The following RPH3AL variants were observed in gnomAD, a reference collection of about 807,000 sequenced individuals.
RPH3AL encodes the protein rabphilin 3A like (without C2 domains), also known as rab effector Noc2.
In RPH3AL, 38 loss-of-function variants were observed where a neutral mutation model predicts 43.1. That is an observed-to-expected ratio of 0.88 (90% CI 0.68 to 1.15). The LOEUF (loss-of-function observed/expected upper bound fraction) is 1.15. Ranked by LOEUF, RPH3AL falls within the 50% of genes most tolerant of loss-of-function variation. The pLI is 0.00. For synonymous variants in RPH3AL, 189 were observed against 176.3 expected, an observed-to-expected ratio of 1.07 and a Z score of -0.57; for missense variants, 462 against 423.2, an observed-to-expected ratio of 1.09 and a Z score of -0.81.
chr17:317,645 G>T (rs1439377855), intron 5 of RPH3AL, among the ~76,000 whole-genome samples: 1 of 152,292 alleles, frequency 6.6e-6, no homozygotes, highest in East Asian at 1.9e-4. Context: ...GTATTTTTGG[G>T]CCAGTTAATC....
rs910019978 is a variant in RPH3AL, at chr17:319,520, C to T, written c.251G>A (p.Arg84Lys). ...CAGGCCGTTCCCCATCACATTCCGC[C>T]TCATGGTCTCCAGCCGCTCCACCAG... ...GRLVERLETM[R>K]RNVMGNGLSQ... Residue 84 changes from arginine to lysine, a missense_variant, in exon 5 of 10, where the codon AGG becomes AAG. Coordinates refer to ENST00000331302, the MANE Select transcript of RPH3AL (RefSeq NM_006987.4). 2.5e-6 allele frequency: 4 copies of T among 1,612,098 alleles called. No individual in the cohort carries two copies. The highest frequency in any genetic ancestry group is 1.7e-6 in the Non-Finnish European group (2 of 1,179,970).
intron 5 of RPH3AL, among the ~76,000 whole-genome samples, chr17:282,874 G>T (rs1294831322): frequency 6.6e-6 from 1 of 152,180 alleles, no homozygotes; most frequent in Non-Finnish European, 1.5e-5. Context: ...TCATAGAAAT[G>T]GTACAGTAAG....
At position 331,483 on chromosome 17, in the gene RPH3AL, A is replaced by G. The variant is rs1299264409; in HGVS notation, c.-37+2276T>C. The G allele has an allele frequency of 9.5e-6, 10 of 1,056,296 alleles. 1 individual carries two copies. Among genetic ancestry groups the G allele is most frequent in the Non-Finnish European group, 9.8e-6 (8 of 815,990 alleles). 65.4% of individuals were successfully genotyped at this position (1,056,296 alleles called of 1,614,324 possible). ...GGCCCCGGCTCTGGGACGGCTGTGC[A>G]CCCCCACCCTGGCCGTGGCTGGCAC... On this transcript the variant is annotated intron_variant, in intron 2 of 9. Transcript: ENST00000331302.
At chr17:250,264 GCGGGACC>G (rs2041865402) in intron 6 of RPH3AL, among the ~76,000 whole-genome samples, 2 of 120,742 alleles carry the variant, frequency 1.7e-5, no homozygotes, top group Non-Finnish European at 1.7e-5. Flanking sequence ...CTCCGTCGCT[GCGGGACC>G]TCTCAGAGCC....
At chr17:223,976 A>C (rs2041051776) in intron 7 of RPH3AL, among the ~76,000 whole-genome samples, 1 of 152,170 alleles carries the variant, frequency 6.6e-6, no homozygotes, top group African/African-American at 2.4e-5. Flanking sequence ...CCCCCAGCAG[A>C]GCGGCCAGCA....
chr17:262,105 G>A (rs2042208212), intron 6 of RPH3AL, among the ~76,000 whole-genome samples: 2 of 152,194 alleles, frequency 1.3e-5, no homozygotes, highest in Admixed American at 6.5e-5. Context: ...GAAATTCAGA[G>A]TTAAAAAGGA....
At chr17:219,182 A>G (rs901231526) in intron 8 of RPH3AL, among the ~76,000 whole-genome samples, 1 of 148,312 alleles carries the variant, frequency 6.7e-6, no homozygotes, top group Non-Finnish European at 1.5e-5. Context: ...GGCTTTGGAA[A>G]TAAACAGCAC....
chr17:307,362 T>C (rs1211173068), intron 5 of RPH3AL, among the ~76,000 whole-genome samples: 151 of 36,052 alleles, frequency 4.2e-3, no homozygotes, highest in East Asian at 8.5e-3. Flanking sequence ...AGGTCCATCC[T>C]ACGGCAGGTC....
intron 7 of RPH3AL, among the ~76,000 whole-genome samples, chr17:242,689 T>C (rs1439093408): frequency 7.7e-6 from 1 of 129,438 alleles, no homozygotes; most frequent in African/African-American, 2.8e-5. Flanking sequence ...CCTTCCTCTA[T>C]TGATTACCTT....
intron 5 of RPH3AL, among the ~76,000 whole-genome samples, chr17:284,949 T>C (rs1240055558): frequency 6.6e-6 from 1 of 152,150 alleles, no homozygotes; most frequent in Non-Finnish European, 1.5e-5. Context: ...CCTCCTCTGA[T>C]AAGGACGCCA....
chr17:314,942 T>C (rs1555518728), intron 5 of RPH3AL, among the ~76,000 whole-genome samples: 56 of 8,916 alleles, frequency 6.3e-3, no homozygotes, highest in African/African-American at 0.013. Flanking sequence ...CATTGACCTG[T>C]AGTCTCTGTG....
At chr17:331,659 G>A in intron 2 of RPH3AL, 1 of 1,288,144 alleles carries the variant, frequency 7.8e-7, no homozygotes, top group Non-Finnish European at 1.0e-6. Context: ...GAGGCTCCCT[G>A]ACTCGGCAGC....
intron 6 of RPH3AL, among the ~76,000 whole-genome samples, chr17:265,321 C>T (rs1347054616): frequency 6.6e-6 from 1 of 152,170 alleles, no homozygotes; most frequent in Non-Finnish European, 1.5e-5. Flanking sequence ...GTCTCAGACT[C>T]CTATACTCAA....
At chr17:247,818 G>A (rs4353524) in intron 6 of RPH3AL, 46,866 of 152,324 alleles carry the variant, frequency 0.31, 7,460 homozygotes, top group Non-Finnish European at 0.33. Context: ...AGTCCTTTCC[G>A]GCCCCTGCTG....
In RPH3AL at chr17:245,509, C is replaced by G. The variant is rs930134065; in HGVS notation, c.613+1602G>C. Among the ~76,000 whole-genome samples, 1 of 151,900 alleles carries G rather than the reference C, an allele frequency of 6.6e-6. No homozygotes were observed. Among genetic ancestry groups the G allele is most frequent in the Admixed American group, 6.6e-5 (1 of 15,236 alleles). ...TGTGTATGCCCTGACTTGGAGCAGACGGGGCAGTGGCAGCTCTTGAAGTGG... is the reference window on the plus strand; with the variant it reads ...TGTGTATGCCCTGACTTGGAGCAGAGGGGGCAGTGGCAGCTCTTGAAGTGG... On this transcript the variant is annotated intron_variant, in intron 7 of 9. Coordinates refer to ENST00000331302, the MANE Select transcript of RPH3AL (RefSeq NM_006987.4). The surrounding 1 kb of genome is among the most constrained non-coding windows in gnomAD (Gnocchi z 5.9).
chr17:266,448 G>A lies in RPH3AL; in HGVS notation c.438+15320C>T, dbSNP rs144083443. 2.6e-3 allele frequency among the ~76,000 whole-genome samples: 390 copies of A among 152,300 alleles called. 2 individuals are homozygous for A. The highest frequency in any genetic ancestry group is 8.9e-3 in the African/African-American group (368 of 41,572). Reference sequence around the variant, plus strand: ...CTGCCTCCCCATGCTGCAGGTGGCCGGCTGGCTCCCCTGTACCCAGTTGGA... The same window carrying A: ...CTGCCTCCCCATGCTGCAGGTGGCCAGCTGGCTCCCCTGTACCCAGTTGGA... On this transcript the variant is annotated intron_variant, in intron 6 of 9. Transcript: ENST00000331302.
At chr17:295,128 G>A (rs2043142990) in intron 5 of RPH3AL, among the ~76,000 whole-genome samples, 1 of 138,884 alleles carries the variant, frequency 7.2e-6, no homozygotes, top group East Asian at 2.3e-4. Flanking sequence ...ATGCACATCA[G>A]TGTGGGAGGG....
At chr17:317,318 C>G (rs1598114299) in intron 5 of RPH3AL, among the ~76,000 whole-genome samples, 1 of 151,128 alleles carries the variant, frequency 6.6e-6, no homozygotes, top group African/African-American at 2.5e-5. Flanking sequence ...GACCTTTAGT[C>G]CATGTGCCCC....
At chr17:317,660 T>G (rs1472915917) in intron 5 of RPH3AL, among the ~76,000 whole-genome samples, 2 of 152,210 alleles carry the variant, frequency 1.3e-5, no homozygotes, top group East Asian at 1.9e-4. Flanking sequence ...TTAATCCACC[T>G]TCCTCAGCCC....
Sources: gnomAD v4.1 joint callset for allele counts (sites outside exome capture counted in the v4.1 genomes callset) on GRCh38, gnomAD v4.1.1 for gene constraint, Gnocchi (gnomAD v3.1) non-coding constraint, MANE v1.5 for transcripts, NCBI Gene and HGNC (gene_info 2026-07-23, HGNC 2026-07-21) for gene names.